CACNA1C: variants seen among roughly 807,000 people sequenced by gnomAD.
The protein encoded by CACNA1C is calcium voltage-gated channel subunit alpha1 C.
A neutral mutation model predicts 229.0 loss-of-function variants in CACNA1C; 30 were observed. That is an observed-to-expected ratio of 0.13 (90% confidence interval 0.10 to 0.18). The LOEUF (loss-of-function observed/expected upper bound fraction) is 0.18. Ranked by LOEUF, CACNA1C falls within the 10% of genes least tolerant of loss-of-function variation. The pLI, the probability that CACNA1C is intolerant of heterozygous loss-of-function variation, is 1.00. For missense variants in CACNA1C, 1,658 were observed against 2,845.0 expected (o/e 0.58, Z 9.49); for synonymous variants, 1,114 against 1,132.5 (o/e 0.98, Z 0.33).
chr12:2,574,603 C>T (rs915552213), intron 13 of CACNA1C, among the ~76,000 whole-genome samples: 1 of 152,194 alleles, frequency 6.6e-6, no homozygotes, highest in Non-Finnish European at 1.5e-5. Flanking sequence ...ACATATGGGC[C>T]CCACAGAGCT....
At chr12:2,008,759 C>A (rs945066952) in intron 1 of CACNA1C, among the ~76,000 whole-genome samples, 2 of 152,184 alleles carry the variant, frequency 1.3e-5, no homozygotes, top group South Asian at 4.1e-4. Flanking sequence ...GATTAGAAAT[C>A]ATACTCAGAG....
At chr12:2,082,961 G>T (rs2066238626) in intron 1 of CACNA1C, among the ~76,000 whole-genome samples, 1 of 152,164 alleles carries the variant, frequency 6.6e-6, no homozygotes, top group South Asian at 2.1e-4. Context: ...GGTGGTGTTT[G>T]TTTTTTGCCC....
chr12:2,219,048 C>T (rs577510212), intron 3 of CACNA1C, among the ~76,000 whole-genome samples: 10 of 152,284 alleles, frequency 6.6e-5, no homozygotes, highest in Non-Finnish European at 1.3e-4. Context: ...GAGTATGAAC[C>T]AATGCTGAGT....
chr12:2,361,891 G>C (rs2097567084), intron 3 of CACNA1C, among the ~76,000 whole-genome samples: 1 of 152,202 alleles, frequency 6.6e-6, no homozygotes, highest in Non-Finnish European at 1.5e-5. Flanking sequence ...CATAGCACAG[G>C]AAAGGAGAGA....
chr12:2,248,167 C>A (rs960775943), intron 3 of CACNA1C, among the ~76,000 whole-genome samples: 2 of 152,184 alleles, frequency 1.3e-5, no homozygotes, highest in African/African-American at 4.8e-5. Flanking sequence ...AATTAAGAAT[C>A]TCCTCTCCTA....
rs538741228 is a variant in CACNA1C at position 2,562,727 on chromosome 12, G to A, written c.1509-3695G>A. Among the ~76,000 whole-genome samples the A allele has an allele frequency of 5.9e-5, 9 of 152,212 alleles. No individual in the cohort carries two copies. In the East Asian group the frequency reaches 7.7e-4, roughly 13 times the overall value. On this transcript the variant is annotated intron_variant, in intron 11 of 46. Transcript: ENST00000399655. ...CCAAAGTGCATTTAGAAATCATAAC[G>A]TTTTAAATTGTTAATGTTTATGGGC... is the stretch of plus-strand genomic sequence containing the variant.
At position 2,275,903 on chromosome 12, in the gene CACNA1C, C is replaced by T. The variant is rs2087709991; in HGVS notation, c.477+155473C>T. On this transcript the variant is annotated intron_variant, in intron 3 of 46. Coordinates refer to ENST00000399655, the MANE Select transcript of CACNA1C (RefSeq NM_000719.7). The surrounding 1 kb of genome is among the most constrained non-coding windows in gnomAD (Gnocchi z 4.1). Reference sequence around the variant, plus strand: ...GAGCCAGACGGAAAGTCATCAAGCCCAGTTACAGTCATCCCTTGGTGTCTG... The same window carrying T: ...GAGCCAGACGGAAAGTCATCAAGCCTAGTTACAGTCATCCCTTGGTGTCTG... 1.3e-5 allele frequency among the ~76,000 whole-genome samples: 2 copies of T among 152,094 alleles called. No homozygotes were observed. The highest frequency in any genetic ancestry group is 2.4e-5 in the African/African-American group (1 of 41,398).
chr12:2,148,490 A>G (rs1006406032), intron 3 of CACNA1C, among the ~76,000 whole-genome samples: 3 of 151,246 alleles, frequency 2.0e-5, no homozygotes, highest in Non-Finnish European at 4.4e-5. Flanking sequence ...TACTTTGATC[A>G]TACTAGTAAT....
Position 2,581,659 on chromosome 12 carries a change from C to T in CACNA1C, c.1965C>T (p.Leu655=), listed in dbSNP as rs775843731. 5 of 1,607,690 alleles carry T rather than the reference C, an allele frequency of 3.1e-6. No individual in the cohort carries two copies. In the East Asian group the frequency reaches 1.1e-4, roughly 36 times the overall value. The change falls in exon 14 of 47, where the codon CTC becomes CTT. Residue 655 remains leucine (L), a synonymous_variant. Coordinates refer to ENST00000399655, the MANE Select transcript of CACNA1C (RefSeq NM_000719.7). ...LNSVRSIASL[L]LLLFLFIIIF... ...CTGTGCGCTCCATCGCCTCCCTGCT[C>T]CTTCTCCTCTTCCTCTTCATCATCA...
At chr12:2,230,161 A>G (rs1332153949) in intron 3 of CACNA1C, among the ~76,000 whole-genome samples, 1 of 151,982 alleles carries the variant, frequency 6.6e-6, no homozygotes, top group Non-Finnish European at 1.5e-5. Context: ...CGGGGCTGCG[A>G]CCTGGAGCCG....
intron 3 of CACNA1C, among the ~76,000 whole-genome samples, chr12:2,407,056 C>T (rs1483704448): frequency 6.6e-6 from 1 of 152,254 alleles, no homozygotes; most frequent in Admixed American, 6.5e-5. Flanking sequence ...GGCTCACTGC[C>T]AGACCTCTGC....
intron 1 of CACNA1C, among the ~76,000 whole-genome samples, chr12:2,062,818 C>T (rs747471835): frequency 1.7e-4 from 26 of 152,328 alleles, no homozygotes; most frequent in Non-Finnish European, 3.4e-4. Context: ...TCACTCCCTC[C>T]AGGAAAATAG....
intron 5 of CACNA1C, among the ~76,000 whole-genome samples, chr12:2,470,274 C>T (rs989117725): frequency 6.6e-6 from 1 of 152,164 alleles, no homozygotes; most frequent in Non-Finnish European, 1.5e-5. Context: ...CAGGAAGCTC[C>T]ATAATGGATT....
chr12:2,523,984 G>A (rs1237112591), intron 9 of CACNA1C, among the ~76,000 whole-genome samples: 1 of 152,232 alleles, frequency 6.6e-6, no homozygotes, highest in Non-Finnish European at 1.5e-5. Flanking sequence ...ATCAGTGGAG[G>A]GGAGAGTGAC....
At chr12:2,381,191 T>A (rs2098236194) in intron 3 of CACNA1C, among the ~76,000 whole-genome samples, 1 of 152,142 alleles carries the variant, frequency 6.6e-6, no homozygotes. Flanking sequence ...AGATCAGGCT[T>A]CCAAGAGTCC....
intron 1 of CACNA1C, among the ~76,000 whole-genome samples, chr12:2,024,801 G>C (rs2429142): frequency 6.6e-6 from 1 of 151,974 alleles, no homozygotes; most frequent in African/African-American, 2.4e-5. Context: ...TGTAGGCCAC[G>C]AACTTATATG....
chr12:2,413,585 C>T (rs987119131), intron 3 of CACNA1C, among the ~76,000 whole-genome samples: 8 of 152,228 alleles, frequency 5.3e-5, no homozygotes, highest in Non-Finnish European at 1.0e-4. Flanking sequence ...AAACCTCCTA[C>T]CATCCTGCTG....
chr12:2,313,901 A>G (rs2095555828), intron 3 of CACNA1C, among the ~76,000 whole-genome samples: 2 of 152,196 alleles, frequency 1.3e-5, no homozygotes, highest in Admixed American at 6.5e-5. Context: ...GCAGGAAATA[A>G]TTACCAGCAA....
intron 3 of CACNA1C, among the ~76,000 whole-genome samples, chr12:2,350,421 A>T (rs375091592): frequency 4.0e-5 from 4 of 100,588 alleles, no homozygotes; most frequent in Non-Finnish European, 1.0e-4. Flanking sequence ...AACTTGCCCA[A>T]GCACACACAA....
Sources: allele counts gnomAD v4.1 joint callset (sites outside exome capture counted in the v4.1 genomes callset), GRCh38; gene constraint gnomAD v4.1.1; non-coding constraint Gnocchi (gnomAD v3.1); transcripts MANE v1.5; gene names NCBI Gene and HGNC (gene_info 2026-07-23, HGNC 2026-07-21).